Variants in HMGN3 observed in about 807,000 individuals in gnomAD.
HMGN3 encodes the protein high mobility group nucleosomal binding domain 3, also known as high mobility group nucleosome-binding domain-containing protein 3.
HMGN3 carries 6 observed loss-of-function variants against 18.8 expected under a neutral mutation model. The ratio of observed to expected loss-of-function variants is 0.32; its 90% CI spans 0.18 to 0.63. The LOEUF (loss-of-function observed/expected upper bound fraction) is 0.63, where lower values mean the gene tolerates loss of function less well. Among genes scored for constraint, HMGN3 ranks in the 30% least tolerant of loss-of-function variants. HMGN3 has a pLI of 0.79. For synonymous variants in HMGN3, 40 were observed against 36.5 expected, an observed-to-expected ratio of 1.10 and a Z score of -0.35; for missense variants, 107 against 114.2, an observed-to-expected ratio of 0.94 and a Z score of 0.29.
rs764858714 is a variant in HMGN3, at chr6:79,201,751, AC to A, written c.262-26del. On this transcript the variant is annotated intron_variant, in intron 5 of 5. Transcript: ENST00000344726. ...CCTGTGAAAAAGAAAGGAAAAAAAA[AC>A]ATATAGTTACTACTGAAACTACTAT... The A allele has an allele frequency of 6.9e-6, 11 of 1,593,596 alleles. No homozygotes were observed. The African/African-American group carries it at 9.4e-5, about 14-fold the overall frequency.
At chr6:79,225,338 C>A (rs1039287173) in intron 1 of HMGN3, among the ~76,000 whole-genome samples, 12 of 152,258 alleles carry the variant, frequency 7.9e-5, no homozygotes, top group Middle Eastern at 6.8e-3. Context: ...TAAAATATCA[C>A]TTGTACATTT....
At chr6:79,225,720 A>G (rs950136664) in intron 1 of HMGN3, among the ~76,000 whole-genome samples, 1 of 152,204 alleles carries the variant, frequency 6.6e-6, no homozygotes, top group Non-Finnish European at 1.5e-5. Flanking sequence ...TTAATACTCT[A>G]AACAATCAAT....
chr6:79,201,405 A>G (rs982364991), exon 6 of HMGN3: 5 of 363,072 alleles, frequency 1.4e-5, no homozygotes, highest in African/African-American at 8.3e-5. Context: ...CACAGTAAAA[A>G]CACCACAGTA....
At chr6:79,222,967 T>G (rs182524110) in intron 1 of HMGN3, among the ~76,000 whole-genome samples, 3 of 152,362 alleles carry the variant, frequency 2.0e-5, no homozygotes, top group Admixed American at 2.0e-4. Flanking sequence ...AAAATATTTC[T>G]CTTGCAATCA....
intron 5 of HMGN3, chr6:79,202,131 T>A (rs1414237701): frequency 1.3e-6 from 2 of 1,555,140 alleles, no homozygotes; most frequent in Non-Finnish European, 1.7e-6. Context: ...GTTGAGACAT[T>A]AACAGTTGAG....
intron 1 of HMGN3, among the ~76,000 whole-genome samples, chr6:79,233,238 G>A (rs1777946778): frequency 6.6e-6 from 1 of 152,198 alleles, no homozygotes; most frequent in African/African-American, 2.4e-5. Flanking sequence ...GATAATGCAA[G>A]TCAAATTCTG....
At chr6:79,216,351 G>A (rs1375055325) in intron 1 of HMGN3, among the ~76,000 whole-genome samples, 12 of 152,046 alleles carry the variant, frequency 7.9e-5, no homozygotes, top group Non-Finnish European at 2.9e-5. Context: ...TAAAAAGTTA[G>A]GTGATGTAAA....
chr6:79,221,510 C>G (rs187470683), intron 1 of HMGN3, among the ~76,000 whole-genome samples: 1 of 152,328 alleles, frequency 6.6e-6, no homozygotes, highest in East Asian at 1.9e-4. Context: ...AATTTTTATT[C>G]CATAGGCCAT....
At chr6:79,220,977 T>C (rs2127831058) in intron 1 of HMGN3, among the ~76,000 whole-genome samples, 1 of 152,258 alleles carries the variant, frequency 6.6e-6, no homozygotes, top group South Asian at 2.1e-4. Context: ...TTTAAAAGAC[T>C]CCAATTTGTG....
At chr6:79,210,765 T>A (rs77020613) in intron 2 of HMGN3, among the ~76,000 whole-genome samples, 2 of 152,126 alleles carry the variant, frequency 1.3e-5, no homozygotes, top group East Asian at 3.9e-4. Flanking sequence ...AAAATCTCCA[T>A]GAAGTGAGGC....
At chr6:79,208,420 TAGGTA>T in intron 3 of HMGN3, 122 bp downstream of exon 3, 1 of 814,870 alleles carries the variant, frequency 1.2e-6, no homozygotes, top group South Asian at 1.5e-5. Flanking sequence ...ATGAGGACCC[TAGGTA>T]ATTTTCAAAA....
Position 79,215,062 on chromosome 6 carries a change from A to G in HMGN3, c.16-40T>C, listed in dbSNP as rs772428766. ...TTTCAGTGAATTGTATTTAAATTGG[A>G]AAACACACATTAGAAAAATGTTTTT... On this transcript the variant is annotated intron_variant, in intron 1 of 5. Coordinates refer to ENST00000344726, the Ensembl canonical transcript of HMGN3. 1.2e-5 allele frequency: 13 copies of G among 1,126,808 alleles called. No homozygotes were observed. The East Asian group carries it at 2.9e-4, about 25-fold the overall frequency. The allele number at this position is 1,126,808 out of a possible 1,614,324, so 69.8% of individuals were successfully genotyped here. A position where few individuals can be genotyped will look rare whatever the true frequency, so the allele number is the denominator to read the frequency against.
At chr6:79,201,615 A>G (rs1776138403) in exon 6 of HMGN3, 3 of 1,046,788 alleles carry the variant, frequency 2.9e-6, no homozygotes, top group Admixed American at 3.9e-5. Flanking sequence ...CATTTACAAA[A>G]TACTTGGTAA....
intron 1 of HMGN3, among the ~76,000 whole-genome samples, chr6:79,233,244 T>A (rs9294134): frequency 6.6e-6 from 1 of 152,144 alleles, no homozygotes; most frequent in African/African-American, 2.4e-5. Flanking sequence ...GCAAGTCAAA[T>A]TCTGCACAGC....
exon 2 of HMGN3, chr6:79,214,992 A>G: frequency 6.6e-7 from 1 of 1,525,698 alleles, no homozygotes; most frequent in Non-Finnish European, 9.0e-7. Flanking sequence ...GTTACTTTGG[A>G]TCCATCTTTG....
At chr6:79,233,636 G>A (rs1052673257) in intron 1 of HMGN3, 4 of 152,226 alleles carry the variant, frequency 2.6e-5, no homozygotes, top group Admixed American at 2.6e-4. Flanking sequence ...GGGACAAGTC[G>A]AAGCCCCACC....
intron 1 of HMGN3, among the ~76,000 whole-genome samples, chr6:79,215,718 A>G (rs1473363639): frequency 6.6e-6 from 1 of 152,314 alleles, no homozygotes; most frequent in Non-Finnish European, 1.5e-5. Flanking sequence ...TATGGGAAAA[A>G]CATATCTTAT....
rs1582397580 is a variant in HMGN3, at chr6:79,203,754, T to C, written c.97-124A>G. ...TGACATGGCTTTGGTCATTAAAAAG[T>C]ATTTCATCCTATTTTCAGCACCAGG... On this transcript the variant is annotated intron_variant, in intron 3 of 5. Coordinates refer to ENST00000344726, the Ensembl canonical transcript of HMGN3. 4 of 715,988 alleles carry C rather than the reference T, an allele frequency of 5.6e-6. 1 individual carries two copies. The highest frequency in any genetic ancestry group is 5.3e-5 in the East Asian group (2 of 37,506). 44.4% of individuals were successfully genotyped at this position (715,988 alleles called of 1,614,324 possible). A position where few individuals can be genotyped will look rare whatever the true frequency, so the allele number is the denominator to read the frequency against.
intron 1 of HMGN3, among the ~76,000 whole-genome samples, chr6:79,218,745 AT>A (rs1352873512): frequency 6.6e-6 from 1 of 152,118 alleles, no homozygotes; most frequent in Non-Finnish European, 1.5e-5. Context: ...ATGGTGGTTT[AT>A]TATTATGTAA....
Sources: allele counts gnomAD v4.1 joint callset (sites outside exome capture counted in the v4.1 genomes callset), GRCh38; gene constraint gnomAD v4.1.1; transcripts MANE v1.5; gene names NCBI Gene and HGNC (gene_info 2026-07-23, HGNC 2026-07-21).